DNAI4: variants seen among roughly 807,000 people sequenced by gnomAD.
The protein encoded by DNAI4 is WD repeat domain 78.
In DNAI4, 85 loss-of-function variants were observed where a neutral mutation model predicts 105.8. The observed-to-expected ratio is 0.80, with a 90% confidence interval of 0.67 to 0.96. The LOEUF is 0.96. Among genes scored for constraint, DNAI4 ranks in the 40% least tolerant of loss-of-function variants. The probability of loss-of-function intolerance (pLI) is 0.00; values close to 1 mark genes in which losing one functional copy is unlikely to be tolerated. For synonymous variants in DNAI4, 352 were observed against 331.5 expected (o/e 1.06, Z -0.67); for missense variants, 1,014 against 1,005.6 (o/e 1.01, Z -0.11).
intron 7 of DNAI4, 68 bp from the exon 8 acceptor site, chr1:66,847,746 T>TA: frequency 8.1e-7 from 1 of 1,228,072 alleles, no homozygotes; most frequent in Non-Finnish European, 1.1e-6. Context: ...CTAAAGATTT[T>TA]AAAAATGACA....
At position 66,834,118 on chromosome 1, in the gene DNAI4, T is replaced by C. The variant is rs1206091581; in HGVS notation, c.1764A>G (p.Val588=). 2 of 1,607,432 alleles carry C rather than the reference T, an allele frequency of 1.2e-6. No homozygotes were observed. The highest frequency in any genetic ancestry group is 1.7e-6 in the Non-Finnish European group (2 of 1,178,080). Residue 588 remains valine, a synonymous_variant, in exon 12 of 17, where the codon GTA becomes GTG. Transcript: ENST00000371026. ...SESPQKHLGP[V]WQLQWIEQDR... is the part of the protein sequence containing the mutation. ...CTTGTTCTATCCACTGTAGTTGCCA[T>C]ACAGGTCCCAAATGTTTTTGAGGTG...
chr1:66,814,802 A>G (rs1237853249), intron 16 of DNAI4, among the ~76,000 whole-genome samples: 1 of 152,210 alleles, frequency 6.6e-6, no homozygotes, highest in African/African-American at 2.4e-5. Flanking sequence ...AAACTTACTG[A>G]TATCTTAAAT....
chr1:66,917,472 A>G (rs1650151967), intron 1 of DNAI4, among the ~76,000 whole-genome samples: 1 of 152,178 alleles, frequency 6.6e-6, no homozygotes, highest in Admixed American at 6.5e-5. Context: ...GGGGGAAAAA[A>G]ACTTGCAGGA....
intron 15 of DNAI4, among the ~76,000 whole-genome samples, chr1:66,826,365 C>G (rs899303599): frequency 2.0e-5 from 3 of 151,988 alleles, no homozygotes; most frequent in African/African-American, 7.3e-5. Flanking sequence ...CTGGCGCAAT[C>G]TTGGCTCACT....
intron 6 of DNAI4, among the ~76,000 whole-genome samples, chr1:66,870,128 C>CA (rs1413075427): frequency 1.3e-5 from 2 of 152,136 alleles, no homozygotes; most frequent in Non-Finnish European, 2.9e-5. Flanking sequence ...AGTTTTGCTG[C>CA]ATAATAAAGG....
At chr1:66,901,763 T>G (rs1186776274) in intron 2 of DNAI4, among the ~76,000 whole-genome samples, 1 of 152,192 alleles carries the variant, frequency 6.6e-6, no homozygotes, top group Non-Finnish European at 1.5e-5. Context: ...CTTTCAAGGT[T>G]TGGAGGAATC....
chr1:66,874,646 G>C (rs1201635937), intron 5 of DNAI4, 135 bp downstream of exon 5: 1 of 668,144 alleles, frequency 1.5e-6, no homozygotes, highest in African/African-American at 1.9e-5. Context: ...ATTTTGTAGG[G>C]AATATACAGT....
chr1:66,845,855 T>G (rs549955900), intron 8 of DNAI4, among the ~76,000 whole-genome samples: 266 of 113,674 alleles, frequency 2.3e-3, no homozygotes, highest in African/African-American at 7.9e-3. Context: ...TGTGTGTGTG[T>G]GGTGGGGGTT....
intron 11 of DNAI4, 111 bp downstream of exon 11, chr1:66,835,515 T>G: frequency 9.0e-7 from 1 of 1,109,764 alleles, no homozygotes. Context: ...TCAAAAATAA[T>G]GGTATCACTC....
intron 9 of DNAI4, among the ~76,000 whole-genome samples, chr1:66,838,367 G>T (rs999871753): frequency 6.6e-6 from 1 of 152,160 alleles, no homozygotes; most frequent in African/African-American, 2.4e-5. Flanking sequence ...GCCATGTGAG[G>T]ACACAGTGAA....
intron 12 of DNAI4, 97 bp from the exon 13 acceptor site, chr1:66,833,803 T>C: frequency 5.4e-6 from 8 of 1,476,804 alleles, no homozygotes; most frequent in Non-Finnish European, 7.3e-6. Flanking sequence ...TAATATTAGT[T>C]CTGCCAACTT....
At chr1:66,921,566 T>A (rs965919964) in intron 1 of DNAI4, among the ~76,000 whole-genome samples, 3 of 152,226 alleles carry the variant, frequency 2.0e-5, no homozygotes, top group African/African-American at 7.2e-5. Flanking sequence ...GTTATGAAAT[T>A]GTCAACATTT....
In DNAI4 at chr1:66,822,411, C is replaced by T; in HGVS notation, c.2446G>A (p.Val816Ile). 2.5e-6 allele frequency: 4 copies of T among 1,613,020 alleles called. No homozygotes were observed. Among genetic ancestry groups the T allele is most frequent in the Non-Finnish European group, 3.4e-6 (4 of 1,179,610 alleles). ...ATATTTCTCAGTTCATACACAGAAACCTGTCCATCACTGTCTCCTACCAGA... is the reference window on the plus strand; with the variant it reads ...ATATTTCTCAGTTCATACACAGAAATCTGTCCATCACTGTCTCCTACCAGA... ...CLLVGDSDGQ[V>I]SVYELRNMPT... is the part of the protein sequence containing the mutation. Residue 816 changes from valine (V) to isoleucine (I), a missense_variant, in exon 16 of 17, where the codon GTT becomes ATT. Coordinates refer to ENST00000371026, the MANE Select transcript of DNAI4 (RefSeq NM_024763.5).
chr1:66,819,589 G>A (rs1477581532), intron 16 of DNAI4, among the ~76,000 whole-genome samples: 1 of 151,714 alleles, frequency 6.6e-6, no homozygotes. Flanking sequence ...TGTTTCCAAG[G>A]GGCTCATACT....
At position 66,893,085 on chromosome 1, in the gene DNAI4, G is replaced by GAAAGAAAGAAAGA. The variant is rs1438077353; in HGVS notation, c.530+131_530+143dup. 29 of 396,836 alleles carry GAAAGAAAGAAAGA rather than the reference G, an allele frequency of 7.3e-5. 1 individual carries two copies. The highest frequency in any genetic ancestry group is 3.1e-4 in the Admixed American group (7 of 22,404). 24.6% of individuals were successfully genotyped at this position (396,836 alleles called of 1,614,324 possible). A position where few individuals can be genotyped will look rare whatever the true frequency, so the allele number is the denominator to read the frequency against. ...AGAGAGAAAGAAAGAAAGAAAGAAA[G>GAAAGAAAGAAAGA]AAAGAAAGAAAGAAAGAAAGAAAGA... On this transcript the variant is annotated intron_variant, in intron 3 of 16. Coordinates refer to ENST00000371026, the MANE Select transcript of DNAI4 (RefSeq NM_024763.5).
intron 4 of DNAI4, among the ~76,000 whole-genome samples, chr1:66,888,614 A>G (rs1489208392): frequency 6.6e-6 from 1 of 152,154 alleles, no homozygotes; most frequent in Non-Finnish European, 1.5e-5. Context: ...AGTCACTTGA[A>G]CCCGGGAGGC....
chr1:66,890,736 A>AG lies in DNAI4; in HGVS notation c.643+417dup, dbSNP rs1302190812. On this transcript the variant is annotated intron_variant, in intron 4 of 16. Coordinates refer to ENST00000371026, the MANE Select transcript of DNAI4 (RefSeq NM_024763.5). The surrounding 1 kb of genome is among the most constrained non-coding windows in gnomAD (Gnocchi z 4.1). ...GGGGAGGAGGAGGAGGGAGAGGAAGAGGGGGAGAAGGAAGAGGAGGAGGAG... is the reference window on the plus strand; with the variant it reads ...GGGGAGGAGGAGGAGGGAGAGGAAGAGGGGGGAGAAGGAAGAGGAGGAGGAG... The AG allele has an allele frequency of 8.9e-6, 2 of 224,110 alleles. No individual in the cohort carries two copies. The highest frequency in any genetic ancestry group is 1.7e-5 in the Non-Finnish European group (2 of 115,408). The allele number at this position is 224,110 out of a possible 1,614,324, so 13.9% of individuals were successfully genotyped here.
At chr1:66,900,860 A>G (rs1401540362) in intron 2 of DNAI4, among the ~76,000 whole-genome samples, 1 of 152,184 alleles carries the variant, frequency 6.6e-6, no homozygotes, top group African/African-American at 2.4e-5. Context: ...TTTACCTCTT[A>G]CTTTCCGAAC....
intron 4 of DNAI4, among the ~76,000 whole-genome samples, chr1:66,882,168 GT>G (rs969266398): frequency 1.3e-5 from 2 of 151,802 alleles, no homozygotes; most frequent in South Asian, 2.1e-4. Context: ...ATACAGTTGG[GT>G]TTTTTTTACT....
Sources: gnomAD v4.1 joint callset for allele counts (sites outside exome capture counted in the v4.1 genomes callset) on GRCh38, gnomAD v4.1.1 for gene constraint, Gnocchi (gnomAD v3.1) non-coding constraint, MANE v1.5 for transcripts, NCBI Gene and HGNC (gene_info 2026-07-23, HGNC 2026-07-21) for gene names.